Variants in RAP1GAP2 observed in about 807,000 individuals in gnomAD.
RAP1GAP2 encodes RAP1 GTPase activating protein 2.
Under a neutral mutation model 95.0 loss-of-function variants are expected in RAP1GAP2, and 27 were observed. That is an observed-to-expected ratio of 0.28 (90% CI 0.21 to 0.39). The LOEUF (loss-of-function observed/expected upper bound fraction) is 0.39, where lower values mean the gene tolerates loss of function less well. Among genes scored for constraint, RAP1GAP2 ranks in the 10% least tolerant of loss-of-function variants. RAP1GAP2 has a pLI of 1.00. For missense variants in RAP1GAP2, 771 were observed against 970.0 expected (o/e 0.79, Z 2.72); for synonymous variants, 373 against 380.9 (o/e 0.98, Z 0.24).
At chr17:2,911,087 G>T (rs867890680) in intron 3 of RAP1GAP2, among the ~76,000 whole-genome samples, 2 of 152,152 alleles carry the variant, frequency 1.3e-5, no homozygotes, top group East Asian at 3.9e-4. Flanking sequence ...TGCGGGCCCA[G>T]GGACGGCCTC....
chr17:2,826,734 G>A lies in RAP1GAP2; in HGVS notation c.80+26184G>A, dbSNP rs537139986. ...ATGAAAGGAGGATTTCCGGCCGGGCGCGGTGGCTCACGCCTGTAATCCCAA... is the reference window on the plus strand; with the variant it reads ...ATGAAAGGAGGATTTCCGGCCGGGCACGGTGGCTCACGCCTGTAATCCCAA... On this transcript the variant is annotated intron_variant, in intron 2 of 24. Transcript: ENST00000254695. 6.6e-5 allele frequency among the ~76,000 whole-genome samples: 10 copies of A among 152,228 alleles called. No individual in the cohort carries two copies. In the East Asian group the frequency reaches 1.4e-3, roughly 21 times the overall value.
chr17:2,901,791 G>A (rs942238968), intron 2 of RAP1GAP2, among the ~76,000 whole-genome samples: 1 of 152,104 alleles, frequency 6.6e-6, no homozygotes, highest in Admixed American at 6.5e-5. Context: ...GTCCTTGGGA[G>A]GGTGGCTCAT....
chr17:2,862,505 A>G (rs1364914752), intron 2 of RAP1GAP2, among the ~76,000 whole-genome samples: 1 of 152,054 alleles, frequency 6.6e-6, no homozygotes, highest in Non-Finnish European at 1.5e-5. Flanking sequence ...TTTTAAGCAG[A>G]TGAAGCACCC....
intron 3 of RAP1GAP2, among the ~76,000 whole-genome samples, chr17:2,927,829 T>C (rs1458949025): frequency 6.6e-6 from 1 of 152,228 alleles, no homozygotes; most frequent in East Asian, 1.9e-4. Context: ...CTCTGTGGGA[T>C]TCCGTAGTTC....
In RAP1GAP2 at chr17:2,903,497, TGA is replaced by T. The variant is rs1372678014; in HGVS notation, c.81-1783_81-1782del. On this transcript the variant is annotated intron_variant, in intron 2 of 24. Transcript: ENST00000254695. This position sits in a 1 kb window ranked among gnomAD's most constrained non-coding sequence, Gnocchi z 4.1. ...GCTGGTGCCTGCTTTTGTGTGTGTG[TGA>T]GAGTGTGTGCACACACCTAGGAGCT... Among the ~76,000 whole-genome samples the T allele has an allele frequency of 2.0e-5, 3 of 152,088 alleles. No individual in the cohort carries two copies. Among genetic ancestry groups the T allele is most frequent in the Non-Finnish European group, 4.4e-5 (3 of 68,000 alleles).
intron 14 of RAP1GAP2, among the ~76,000 whole-genome samples, chr17:2,999,588 C>A (rs1173336798): frequency 4.6e-5 from 7 of 152,160 alleles, no homozygotes; most frequent in Non-Finnish European, 1.0e-4. Context: ...GAGGCCACAG[C>A]AGTTCAACTC....
intron 2 of RAP1GAP2, among the ~76,000 whole-genome samples, chr17:2,830,446 T>A (rs531233780): frequency 1.4e-5 from 2 of 145,706 alleles, no homozygotes; most frequent in East Asian, 2.2e-4. Flanking sequence ...CCGGGTGTGG[T>A]GGCTCACGCC....
Position 2,796,677 on chromosome 17 carries a change from T to C in RAP1GAP2, c.44+106T>C. 3.0e-6 allele frequency: 4 copies of C among 1,330,930 alleles called. No homozygotes were observed. Among genetic ancestry groups the C allele is most frequent in the Non-Finnish European group, 4.2e-6 (4 of 947,650 alleles). 82.4% of individuals were successfully genotyped at this position (1,330,930 alleles called of 1,614,324 possible). A position where few individuals can be genotyped will look rare whatever the true frequency, so the allele number is the denominator to read the frequency against. ...GGAACAGAGGGGCTCGGGCTGTGCC[T>C]GAGAGCTGGGTCTGCTGACGCCCTG... is the stretch of plus-strand genomic sequence containing the variant. On this transcript the variant is annotated intron_variant, in intron 1 of 24. Transcript: ENST00000254695. This position sits in a 1 kb window ranked among gnomAD's most constrained non-coding sequence, Gnocchi z 4.7.
At chr17:2,911,911 C>T (rs951228405) in intron 3 of RAP1GAP2, among the ~76,000 whole-genome samples, 3 of 152,218 alleles carry the variant, frequency 2.0e-5, no homozygotes, top group Non-Finnish European at 2.9e-5. Flanking sequence ...TGGAGCCGCA[C>T]CGGGCCCTGA....
intron 2 of RAP1GAP2, among the ~76,000 whole-genome samples, chr17:2,832,374 C>G (rs190146837): frequency 6.7e-6 from 1 of 150,180 alleles, no homozygotes; most frequent in Non-Finnish European, 1.5e-5. Context: ...CTGGCTAAAA[C>G]GGTGAAACCC....
intron 2 of RAP1GAP2, among the ~76,000 whole-genome samples, chr17:2,809,936 C>T (rs1371178891): frequency 6.6e-6 from 1 of 152,024 alleles, no homozygotes; most frequent in Non-Finnish European, 1.5e-5. Flanking sequence ...CTCCCGCTGG[C>T]TCCTCTGGGG....
At chr17:2,967,161 G>A (rs761278676) in intron 8 of RAP1GAP2, among the ~76,000 whole-genome samples, 12 of 152,076 alleles carry the variant, frequency 7.9e-5, no homozygotes, top group South Asian at 2.1e-4. Flanking sequence ...GAGGTCAGGA[G>A]ATCGAGACCA....
chr17:2,859,765 T>C (rs530933456), intron 2 of RAP1GAP2, among the ~76,000 whole-genome samples: 1 of 152,296 alleles, frequency 6.6e-6, no homozygotes, highest in South Asian at 2.1e-4. Flanking sequence ...TACAATTTAT[T>C]TATTGAAGAA....
At chr17:2,818,588 A>G (rs144185917) in intron 2 of RAP1GAP2, among the ~76,000 whole-genome samples, 7,598 of 152,106 alleles carry the variant, frequency 0.05, 255 homozygotes, top group Non-Finnish European at 0.074. Context: ...TTGGCCTCCC[A>G]AAGTTTTGGG....
chr17:2,816,578 A>G (rs12947321), intron 2 of RAP1GAP2, among the ~76,000 whole-genome samples: 65,040 of 150,154 alleles, frequency 0.43, 14,379 homozygotes, highest in Non-Finnish European at 0.48. Flanking sequence ...ACCTCAGGTG[A>G]TCCACCCACC....
chr17:2,777,967 GGGGAGGCTGGGAGGCT>G (rs1233526717), intron 1 of RAP1GAP2, among the ~76,000 whole-genome samples: 2 of 43,152 alleles, frequency 4.6e-5, no homozygotes, highest in African/African-American at 1.8e-4. Flanking sequence ...GCTGGGAGGC[GGGGAGGCTGGGAGGCT>G]GGGAGGCGGG....
At position 2,796,465 on chromosome 17, in the gene RAP1GAP2, T is replaced by C. The variant is rs1383248986; in HGVS notation, c.-63T>C. On this transcript the variant is annotated 5_prime_UTR_variant, in exon 1 of 25. Transcript: ENST00000254695. The surrounding 1 kb of genome is among the most constrained non-coding windows in gnomAD (Gnocchi z 4.7). The stretch of plus-strand genomic sequence containing the variant: ...TGACCCCGCTGTACCACGGCCCTCT[T>C]GCGGACAGCCCCGGGGACGTCGTTG... The C allele has an allele frequency of 1.2e-5, 19 of 1,540,856 alleles. No individual in the cohort carries two copies. The highest frequency in any genetic ancestry group is 1.7e-5 in the Non-Finnish European group (19 of 1,138,388).
At chr17:3,000,014 C>G (rs1465162232) in intron 14 of RAP1GAP2, among the ~76,000 whole-genome samples, 3 of 152,160 alleles carry the variant, frequency 2.0e-5, no homozygotes, top group Admixed American at 6.5e-5. Flanking sequence ...GTGGTGCAGT[C>G]TCGGCTCACT....
chr17:2,903,674 T>G lies in RAP1GAP2; in HGVS notation c.81-1610T>G, dbSNP rs150770401. Among the ~76,000 whole-genome samples, 125 of 152,314 alleles carry G rather than the reference T, an allele frequency of 8.2e-4. 1 individual carries two copies. Among genetic ancestry groups the G allele is most frequent in the African/African-American group, 2.6e-3 (110 of 41,594 alleles). On this transcript the variant is annotated intron_variant, in intron 2 of 24. Coordinates refer to ENST00000254695, the MANE Select transcript of RAP1GAP2 (RefSeq NM_015085.5). The surrounding 1 kb of genome is among the most constrained non-coding windows in gnomAD (Gnocchi z 4.1). ...GAGCAGGAGACAGGGATTGCCAGGT[T>G]CAGGTTAATGGGGTGGAATGGATTC... is the stretch of plus-strand genomic sequence containing the variant.
Sources: allele counts gnomAD v4.1 joint callset (sites outside exome capture counted in the v4.1 genomes callset), GRCh38; gene constraint gnomAD v4.1.1; non-coding constraint Gnocchi (gnomAD v3.1); transcripts MANE v1.5; gene names NCBI Gene and HGNC (gene_info 2026-07-23, HGNC 2026-07-21).